DOCK1: variants seen among roughly 807,000 people sequenced by gnomAD.
The protein encoded by DOCK1 is dedicator of cytokinesis protein 1.
Under a neutral mutation model 262.7 loss-of-function variants are expected in DOCK1, and 138 were observed. The observed-to-expected ratio is 0.53, with a 90% confidence interval of 0.46 to 0.61. The LOEUF (loss-of-function observed/expected upper bound fraction) is 0.61, where lower values mean the gene tolerates loss of function less well. Among genes scored for constraint, DOCK1 ranks in the 20% least tolerant of loss-of-function variants. DOCK1 has a pLI of 0.00. For synonymous variants in DOCK1, 866 were observed against 867.4 expected (o/e 1.00, Z 0.03); for missense variants, 1,908 against 2,370.7 (o/e 0.80, Z 4.05).
intron 23 of DOCK1, among the ~76,000 whole-genome samples, chr10:127,093,797 A>G (rs2047734552): frequency 6.6e-6 from 1 of 152,164 alleles, no homozygotes; most frequent in African/African-American, 2.4e-5. Flanking sequence ...TTGTGCTGCT[A>G]TAACAAAATA....
intron 35 of DOCK1, among the ~76,000 whole-genome samples, chr10:127,378,922 C>T (rs764610386): frequency 5.3e-5 from 8 of 152,202 alleles, no homozygotes; most frequent in Non-Finnish European, 7.3e-5. Flanking sequence ...AATGTGCCCC[C>T]GCTTATTTTC....
At chr10:127,323,506 A>T (rs1296925345) in intron 29 of DOCK1, among the ~76,000 whole-genome samples, 2 of 152,148 alleles carry the variant, frequency 1.3e-5, no homozygotes, top group African/African-American at 4.8e-5. Flanking sequence ...GTTATCCACA[A>T]AGGGTACTTT....
intron 29 of DOCK1, among the ~76,000 whole-genome samples, chr10:127,329,772 C>T (rs1564996966): frequency 6.6e-6 from 1 of 151,928 alleles, no homozygotes. Context: ...AATAGGTGGA[C>T]GAGGCAGGAT....
intron 19 of DOCK1, among the ~76,000 whole-genome samples, chr10:127,038,018 G>C (rs2043765673): frequency 6.6e-6 from 1 of 152,024 alleles, no homozygotes. Context: ...TGGATCACCT[G>C]AGGTCAGGAG....
chr10:127,088,918 C>T (rs2047352290), intron 23 of DOCK1, among the ~76,000 whole-genome samples: 1 of 152,156 alleles, frequency 6.6e-6, no homozygotes, highest in Non-Finnish European at 1.5e-5. Flanking sequence ...TACGGCCCCA[C>T]CGCTGCAGAG....
At chr10:126,924,724 C>T (rs2033544419) in intron 1 of DOCK1, among the ~76,000 whole-genome samples, 1 of 152,168 alleles carries the variant, frequency 6.6e-6, no homozygotes, top group African/African-American at 2.4e-5. Flanking sequence ...CAGGTGTGGT[C>T]AAGGGCTCTA....
intron 12 of DOCK1, among the ~76,000 whole-genome samples, chr10:127,014,568 T>C (rs975816098): frequency 1.4e-4 from 21 of 152,230 alleles, no homozygotes; most frequent in African/African-American, 4.8e-4. Context: ...CTTTGACCTC[T>C]GTAGATAATG....
At chr10:127,178,056 A>G (rs2055347634) in intron 27 of DOCK1, among the ~76,000 whole-genome samples, 1 of 152,142 alleles carries the variant, frequency 6.6e-6, no homozygotes. Flanking sequence ...CTGAGTTAGC[A>G]TGACAGGCCG....
Position 127,012,450 on chromosome 10 carries a change from G to C in DOCK1, c.1201+76G>C. Reference sequence around the variant, plus strand: ...GGCAGTGCTGTCTGGGTTGGTTTTAGTTTGATGTTGATCATGATGGTGGTG... The same window carrying C: ...GGCAGTGCTGTCTGGGTTGGTTTTACTTTGATGTTGATCATGATGGTGGTG... On this transcript the variant is annotated intron_variant, in intron 12 of 51. Coordinates refer to ENST00000623213, the MANE Select transcript of DOCK1 (RefSeq NM_001290223.2). This position sits in a 1 kb window ranked among gnomAD's most constrained non-coding sequence, Gnocchi z 4.0. The C allele has an allele frequency of 7.6e-7, 1 of 1,308,996 alleles. No homozygotes were observed. The highest frequency in any genetic ancestry group is 1.4e-5 in the African/African-American group (1 of 69,380). The allele number at this position is 1,308,996 out of a possible 1,614,324, so 81.1% of individuals were successfully genotyped here.
intron 29 of DOCK1, among the ~76,000 whole-genome samples, chr10:127,332,976 T>C (rs1018049316): frequency 3.3e-5 from 5 of 152,216 alleles, no homozygotes; most frequent in Non-Finnish European, 2.9e-5. Flanking sequence ...CAGAAATCAT[T>C]TGAAGGCAAA....
intron 31 of DOCK1, among the ~76,000 whole-genome samples, chr10:127,346,919 A>G (rs1399948699): frequency 6.6e-6 from 1 of 152,204 alleles, no homozygotes; most frequent in Non-Finnish European, 1.5e-5. Flanking sequence ...CTCCAGGGGC[A>G]TGAGTTCTGC....
chr10:127,137,136 C>T (rs2050769072), intron 27 of DOCK1: 1 of 152,644 alleles, frequency 6.6e-6, no homozygotes, highest in South Asian at 2.1e-4. Flanking sequence ...CTTTGGGGGA[C>T]TCCTGGCTGC....
At chr10:127,377,571 G>C (rs2065571053) in intron 35 of DOCK1, among the ~76,000 whole-genome samples, 1 of 151,978 alleles carries the variant, frequency 6.6e-6, no homozygotes. Context: ...AGTTGTGTAG[G>C]CTCCTTCATG....
At chr10:126,964,869 A>G (rs2037541744) in intron 1 of DOCK1, among the ~76,000 whole-genome samples, 2 of 152,238 alleles carry the variant, frequency 1.3e-5, no homozygotes, top group Non-Finnish European at 2.9e-5. Flanking sequence ...CAGCCTCTGT[A>G]TCTTTTTGCA....
intron 23 of DOCK1, among the ~76,000 whole-genome samples, chr10:127,076,046 G>T (rs2046514153): frequency 6.6e-6 from 1 of 152,194 alleles, no homozygotes; most frequent in African/African-American, 2.4e-5. Context: ...TCTCCACCCA[G>T]TGTGTGGACA....
chr10:127,071,057 C>G (rs1357024401), intron 23 of DOCK1, among the ~76,000 whole-genome samples: 1 of 152,044 alleles, frequency 6.6e-6, no homozygotes, highest in Admixed American at 6.6e-5. Flanking sequence ...GACACACTTG[C>G]AAGTGTGTCA....
At chr10:127,029,375 A>G (rs1279661590) in intron 16 of DOCK1, among the ~76,000 whole-genome samples, 3 of 152,228 alleles carry the variant, frequency 2.0e-5, no homozygotes, top group Non-Finnish European at 4.4e-5. Context: ...AGCAAAGGGA[A>G]CAAGTGATGG....
At chr10:127,408,542 C>G (rs1004833310) in intron 40 of DOCK1, among the ~76,000 whole-genome samples, 4 of 152,216 alleles carry the variant, frequency 2.6e-5, no homozygotes, top group African/African-American at 9.6e-5. Context: ...CGGCCGTGTG[C>G]AGGTGCTGGG....
chr10:127,313,897 C>T (rs2062160959), intron 29 of DOCK1, among the ~76,000 whole-genome samples: 2 of 152,014 alleles, frequency 1.3e-5, no homozygotes, highest in Admixed American at 6.5e-5. Flanking sequence ...TTTGTTTGAT[C>T]CGGGCCTGTG....
Sources: gnomAD v4.1 joint callset for allele counts (sites outside exome capture counted in the v4.1 genomes callset) on GRCh38, gnomAD v4.1.1 for gene constraint, Gnocchi (gnomAD v3.1) non-coding constraint, MANE v1.5 for transcripts, NCBI Gene and HGNC (gene_info 2026-07-23, HGNC 2026-07-21) for gene names.